ANO10: variants seen among roughly 807,000 people sequenced by gnomAD.
The protein encoded by ANO10 is anoctamin-10.
Under a neutral mutation model 74.7 loss-of-function variants are expected in ANO10, and 77 were observed. The observed-to-expected ratio is 1.03, with a 90% CI of 0.86 to 1.25. ANO10 has a LOEUF of 1.25. Ranked by LOEUF, ANO10 falls within the 50% of genes most tolerant of loss-of-function variation. The pLI is 0.00. For synonymous variants in ANO10, 279 were observed against 284.9 expected (o/e 0.98, Z 0.21); for missense variants, 721 against 778.1 (o/e 0.93, Z 0.87).
intron 1 of ANO10, among the ~76,000 whole-genome samples, chr3:43,688,605 G>T (rs1238593648): frequency 1.3e-5 from 2 of 152,182 alleles, no homozygotes; most frequent in African/African-American, 4.8e-5. Flanking sequence ...CACTTTGGGA[G>T]GCAGTGGAGG....
chr3:43,534,467 TGCGCGCATGAGAGAGA>T (rs1280494204), intron 11 of ANO10, among the ~76,000 whole-genome samples: 15 of 141,566 alleles, frequency 1.1e-4, no homozygotes, highest in African/African-American at 3.8e-4. Flanking sequence ...CATGTGAACG[TGCGCGCATGAGAGAGA>T]GCGCGCAAGA....
At chr3:43,465,670 T>A (rs1215395659) in intron 11 of ANO10, among the ~76,000 whole-genome samples, 1 of 152,008 alleles carries the variant, frequency 6.6e-6, no homozygotes, top group Non-Finnish European at 1.5e-5. Context: ...AATAAATAAA[T>A]AATCTTATGA....
intron 2 of ANO10, among the ~76,000 whole-genome samples, chr3:43,601,854 G>C (rs2082348534): frequency 6.6e-6 from 1 of 152,164 alleles, no homozygotes; most frequent in African/African-American, 2.4e-5. Context: ...TAGCCGTGAA[G>C]GTACCCCACT....
In ANO10 at chr3:43,553,365, G is replaced by T. The variant is rs553089675; in HGVS notation, c.1668+1913C>A. Reference sequence around the variant, plus strand: ...TTGGGTCTCTTGCCACATTTAAAAAGTTCTTAGCCGTTATTTATTCAAGTA... The same window carrying T: ...TTGGGTCTCTTGCCACATTTAAAAATTTCTTAGCCGTTATTTATTCAAGTA... On this transcript the variant is annotated intron_variant, in intron 10 of 12. Coordinates refer to ENST00000292246, the MANE Select transcript of ANO10 (RefSeq NM_018075.5). Among the ~76,000 whole-genome samples, 7 of 152,124 alleles carry T rather than the reference G, an allele frequency of 4.6e-5. No individual in the cohort carries two copies. In the South Asian group the frequency reaches 1.4e-3, roughly 32 times the overall value.
At chr3:43,688,440 C>A (rs1056899505) in intron 1 of ANO10, among the ~76,000 whole-genome samples, 9 of 152,206 alleles carry the variant, frequency 5.9e-5, no homozygotes, top group Non-Finnish European at 1.0e-4. Context: ...AGATGCTAAT[C>A]CACAATGTTG....
At chr3:43,679,695 G>T (rs1363560685) in intron 1 of ANO10, among the ~76,000 whole-genome samples, 5 of 152,198 alleles carry the variant, frequency 3.3e-5, no homozygotes, top group Admixed American at 2.6e-4. Context: ...TCCCCCAGTA[G>T]GGGCAGACTG....
intron 5 of ANO10, 147 bp from the exon 6 acceptor site, chr3:43,577,408 A>G: frequency 1.2e-6 from 1 of 823,480 alleles, no homozygotes; most frequent in East Asian, 2.7e-5. Flanking sequence ...TCTACCCTCC[A>G]TGCAGTATAA....
At chr3:43,521,098 A>G (rs770328029) in intron 11 of ANO10, among the ~76,000 whole-genome samples, 1 of 152,198 alleles carries the variant, frequency 6.6e-6, no homozygotes. Flanking sequence ...TGCAAAGAGA[A>G]ATAGTTTTAC....
At chr3:43,400,166 T>C (rs1310078109) in intron 12 of ANO10, among the ~76,000 whole-genome samples, 1 of 152,114 alleles carries the variant, frequency 6.6e-6, no homozygotes, top group East Asian at 1.9e-4. Flanking sequence ...TTAATAGATG[T>C]ATGCTTTTCT....
At chr3:43,396,504 A>C (rs1171522339) in intron 12 of ANO10, among the ~76,000 whole-genome samples, 1 of 150,422 alleles carries the variant, frequency 6.6e-6, no homozygotes, top group Non-Finnish European at 1.5e-5. Flanking sequence ...ACACCCGGCT[A>C]ATTTTTTGTA....
chr3:43,601,586 G>C (rs1175231976), intron 2 of ANO10, among the ~76,000 whole-genome samples: 1 of 152,072 alleles, frequency 6.6e-6, no homozygotes, highest in African/African-American at 2.4e-5. Context: ...GATGATAACA[G>C]GATCATGAGC....
chr3:43,513,486 C>A (rs1040049072), intron 11 of ANO10, among the ~76,000 whole-genome samples: 1 of 152,124 alleles, frequency 6.6e-6, no homozygotes, highest in Non-Finnish European at 1.5e-5. Context: ...TGGAATTTCA[C>A]TCACACACAA....
chr3:43,642,430 A>T (rs960039162), intron 1 of ANO10, among the ~76,000 whole-genome samples: 1 of 152,222 alleles, frequency 6.6e-6, no homozygotes, highest in Non-Finnish European at 1.5e-5. Context: ...GATCAAATCC[A>T]TTATGAGTGT....
rs74585030 is a variant in ANO10 at position 43,666,057 on chromosome 3, T to C, written c.-12+25460A>G. On this transcript the variant is annotated intron_variant, in intron 1 of 3. Coordinates refer to the ANO10 transcript ENST00000413397. ...TAAGTCATTTACATGTTAAGGAACA[T>C]TTAAATTTAAAATAATACTATATTT... 2.5e-3 allele frequency among the ~76,000 whole-genome samples: 377 copies of C among 152,314 alleles called. 1 individual carries two copies. The highest frequency in any genetic ancestry group is 4.7e-3 in the Non-Finnish European group (323 of 68,026).
rs190839596 is a variant in ANO10, at chr3:43,488,016, G to A, written c.1798-55289C>T. On this transcript the variant is annotated intron_variant, in intron 11 of 12. Coordinates refer to ENST00000292246, the MANE Select transcript of ANO10 (RefSeq NM_018075.5). ...ACAGAGCCCTCACAAATAACGCCGC[G>A]TATCTACAACTATCTGATCTTTGAA... is the stretch of plus-strand genomic sequence containing the variant. 5.3e-3 allele frequency among the ~76,000 whole-genome samples: 810 copies of A among 152,104 alleles called. 5 individuals are homozygous for A. The highest frequency in any genetic ancestry group is 0.017 in the African/African-American group (694 of 41,482).
chr3:43,648,424 A>G (rs962970684), intron 1 of ANO10, among the ~76,000 whole-genome samples: 4 of 152,312 alleles, frequency 2.6e-5, no homozygotes, highest in African/African-American at 9.6e-5. Context: ...GTAGAGGAAT[A>G]AAATAATGGC....
chr3:43,513,067 CT>C (rs1490536341), intron 11 of ANO10, among the ~76,000 whole-genome samples: 1 of 152,184 alleles, frequency 6.6e-6, no homozygotes, highest in Non-Finnish European at 1.5e-5. Context: ...CTCAGGAGGT[CT>C]GCAGGTGATC....
chr3:43,390,936 G>T (rs1162868850), intron 12 of ANO10, among the ~76,000 whole-genome samples: 1 of 152,196 alleles, frequency 6.6e-6, no homozygotes, highest in African/African-American at 2.4e-5. Flanking sequence ...CTGGGGAGGA[G>T]TATAAGAATT....
At chr3:43,435,736 G>A (rs372420550) in intron 11 of ANO10, among the ~76,000 whole-genome samples, 1 of 152,172 alleles carries the variant, frequency 6.6e-6, no homozygotes, top group African/African-American at 2.4e-5. Flanking sequence ...TCTATTAAAA[G>A]TGAAAGCATC....
Sources: gnomAD v4.1 joint callset for allele counts (sites outside exome capture counted in the v4.1 genomes callset) on GRCh38, gnomAD v4.1.1 for gene constraint, MANE v1.5 for transcripts, NCBI Gene and HGNC (gene_info 2026-07-23, HGNC 2026-07-21) for gene names.